The following GPLD1 variants were observed in gnomAD, a reference collection of about 807,000 sequenced individuals.
The protein encoded by GPLD1 is glycosylphosphatidylinositol specific phospholipase D1, also known as phosphatidylinositol-glycan-specific phospholipase D.
GPLD1 carries 84 observed loss-of-function variants against 112.6 expected under a neutral mutation model. The observed-to-expected ratio is 0.75, with a 90% CI of 0.63 to 0.89. The LOEUF is 0.89. Ranked by LOEUF, GPLD1 falls within the 40% of genes least tolerant of loss-of-function variation. The probability of loss-of-function intolerance (pLI) is 0.00; values close to 1 mark genes in which losing one functional copy is unlikely to be tolerated. For missense variants in GPLD1, 1,044 were observed against 1,051.5 expected (o/e 0.99, Z 0.10); for synonymous variants, 386 against 403.8 (o/e 0.96, Z 0.53).
chr6:24,459,117 C>G (rs187400116), intron 12 of GPLD1, among the ~76,000 whole-genome samples: 3 of 152,236 alleles, frequency 2.0e-5, no homozygotes, highest in Admixed American at 2.0e-4. Context: ...CTGAAACTTT[C>G]CCAACCCACT....
chr6:24,479,744 G>A, intron 3 of GPLD1, 137 bp downstream of exon 3: 1 of 538,442 alleles, frequency 1.9e-6, no homozygotes, highest in Non-Finnish European at 3.3e-6. Flanking sequence ...GAAACAAATT[G>A]TTCTCAACAA....
chr6:24,490,605 A>T (rs1581796133), upstream of GPLD1, among the ~76,000 whole-genome samples: 1 of 152,056 alleles, frequency 6.6e-6, no homozygotes, highest in African/African-American at 2.4e-5. Flanking sequence ...TACAAAAATT[A>T]GCCAGGTGTG....
At chr6:24,431,952 C>T (rs1382679461) in intron 24 of GPLD1, among the ~76,000 whole-genome samples, 1 of 152,126 alleles carries the variant, frequency 6.6e-6, no homozygotes, top group Non-Finnish European at 1.5e-5. Flanking sequence ...TAAAAAGCTA[C>T]ACATACGTAC....
intron 6 of GPLD1, 42 bp from the exon 7 acceptor site, chr6:24,472,678 CA>C (rs1274970177): frequency 9.6e-7 from 1 of 1,037,734 alleles, no homozygotes; most frequent in Non-Finnish European, 1.5e-6. Flanking sequence ...GGATTAGTGA[CA>C]AACATAGCAT....
At chr6:24,449,481 A>G (rs986769619) in intron 15 of GPLD1, among the ~76,000 whole-genome samples, 1 of 152,116 alleles carries the variant, frequency 6.6e-6, no homozygotes, top group African/African-American at 2.4e-5. Flanking sequence ...ACTACAGATG[A>G]GCTGGGATTT....
chr6:24,495,134 C>G (rs1248918160), exon 1 of GPLD1: 1 of 1,403,650 alleles, frequency 7.1e-7, no homozygotes, highest in East Asian at 3.1e-5. Context: ...AGCTCCGCTG[C>G]TACGCTGGGC....
At chr6:24,430,282 A>C (rs572599142) in intron 24 of GPLD1, among the ~76,000 whole-genome samples, 15 of 152,306 alleles carry the variant, frequency 9.8e-5, no homozygotes, top group South Asian at 8.3e-4. Flanking sequence ...ATCTTTCCAG[A>C]TGCAGCTCCG....
In GPLD1 at chr6:24,456,499, A is replaced by G. The variant is rs767733772; in HGVS notation, c.1147T>C (p.Trp383Arg). ...FLSFPYARLG[W>R]AMTSADLNQD... ...CAAGTTAGATAAACTTATACGTACC[A>G]GCCAAGCCTCGCATAAGGAAATGAC... The change falls in exon 13 of 25, where the codon TGG (tryptophan) becomes CGG (arginine). Residue 383 changes from tryptophan to arginine, a missense_variant and splice_region_variant. Transcript: ENST00000230036. 1.2e-6 allele frequency: 2 copies of G among 1,600,756 alleles called. No individual in the cohort carries two copies. The highest frequency in any genetic ancestry group is 3.4e-5 in the Admixed American group (2 of 58,180).
At chr6:24,437,088 T>A in intron 21 of GPLD1, 25 bp downstream of exon 21, 1 of 1,607,182 alleles carries the variant, frequency 6.2e-7, no homozygotes, top group African/African-American at 1.3e-5. Context: ...TCAATTCTTG[T>A]CAAAGGGTCC....
chr6:24,495,139 C>G, exon 1 of GPLD1: 1 of 1,413,014 alleles, frequency 7.1e-7, no homozygotes, highest in Non-Finnish European at 9.2e-7. Context: ...CGCTGCTACG[C>G]TGGGCGCCTG....
At chr6:24,453,706 G>GTGT (rs980053731) in intron 14 of GPLD1, among the ~76,000 whole-genome samples, 1 of 82,208 alleles carries the variant, frequency 1.2e-5, no homozygotes, top group African/African-American at 2.9e-5. Flanking sequence ...TTTCGTGTGT[G>GTGT]TGTGTGTGTG....
intron 13 of GPLD1, among the ~76,000 whole-genome samples, chr6:24,455,966 G>C (rs927820181): frequency 3.3e-5 from 5 of 152,120 alleles, no homozygotes; most frequent in South Asian, 2.1e-4. Context: ...CTTGAGCCCA[G>C]GAGTTTGAGA....
At chr6:24,482,097 ATTT>A (rs66567770) in intron 2 of GPLD1, among the ~76,000 whole-genome samples, 9 of 103,206 alleles carry the variant, frequency 8.7e-5, no homozygotes, top group Non-Finnish European at 1.1e-4. Flanking sequence ...GTATTTTTGG[ATTT>A]TTTTTTTTTT....
intron 14 of GPLD1, among the ~76,000 whole-genome samples, chr6:24,451,077 C>T (rs1239593202): frequency 6.6e-5 from 10 of 152,204 alleles, no homozygotes; most frequent in South Asian, 2.1e-4. Flanking sequence ...TTATGTCTCC[C>T]GCACTGGACA....
chr6:24,473,282 T>C (rs1458005838), intron 6 of GPLD1: 1 of 178,072 alleles, frequency 5.6e-6, no homozygotes, highest in East Asian at 1.4e-4. Context: ...AGGCAAAAGG[T>C]GGAGTTTACT....
chr6:24,431,535 CTT>C (rs59056170), intron 24 of GPLD1, among the ~76,000 whole-genome samples: 77 of 138,968 alleles, frequency 5.5e-4, no homozygotes, highest in Admixed American at 7.3e-4. Context: ...TAAGGTTAAA[CTT>C]TTTTTTTTTT....
intron 20 of GPLD1, among the ~76,000 whole-genome samples, chr6:24,442,748 T>C: frequency 6.6e-6 from 1 of 151,830 alleles, no homozygotes; most frequent in Non-Finnish European, 1.5e-5. Flanking sequence ...CTGGCCCAAT[T>C]TTTAAAATTT....
chr6:24,480,013 G>C, intron 2 of GPLD1, 54 bp from the exon 3 acceptor site: 5 of 1,065,912 alleles, frequency 4.7e-6, no homozygotes, highest in Non-Finnish European at 7.3e-6. Context: ...AGCCTGGGGA[G>C]TATAGGCCCC....
Position 24,427,283 on chromosome 6 carries a change from G to A in GPLD1, c.*1749C>T, listed in dbSNP as rs752798067. ...TACGAAAAACAGCCCAGGAACAAGC[G>A]AGGCCAAGGCCTGCTTTCCTCTCCG... On this transcript the variant is annotated 3_prime_UTR_variant, in exon 25 of 25. Coordinates refer to ENST00000230036, the MANE Select transcript of GPLD1 (RefSeq NM_001503.4). Among the ~76,000 whole-genome samples the A allele has an allele frequency of 2.6e-5, 4 of 152,172 alleles. No individual in the cohort carries two copies. The highest frequency in any genetic ancestry group is 7.2e-5 in the African/African-American group (3 of 41,446).
Sources: allele counts gnomAD v4.1 joint callset (sites outside exome capture counted in the v4.1 genomes callset), GRCh38; gene constraint gnomAD v4.1.1; transcripts MANE v1.5; gene names NCBI Gene and HGNC (gene_info 2026-07-23, HGNC 2026-07-21).